DYNC2I1: variants seen among roughly 807,000 people sequenced by gnomAD.
The protein encoded by DYNC2I1 is dynein 2 intermediate chain 1, also known as cytoplasmic dynein 2 intermediate chain 1.
DYNC2I1 carries 89 observed loss-of-function variants against 133.4 expected under a neutral mutation model. The observed-to-expected ratio is 0.67, with a 90% confidence interval of 0.56 to 0.80. The LOEUF is 0.80. DYNC2I1 is among the 30% of genes least tolerant of loss of function. DYNC2I1 has a pLI of 0.00. For synonymous variants in DYNC2I1, 504 were observed against 484.3 expected (o/e 1.04, Z -0.54); for missense variants, 1,291 against 1,314.5 (o/e 0.98, Z 0.28).
Position 158,878,436 on chromosome 7 carries a change from G to A in DYNC2I1, c.574-1248G>A, listed in dbSNP as rs374069647. ...CAGGAGGGCCGACTGTGAGTGCCGG[G>A]CGCCATGTGGGGTGGCCAGGAGGGC... On this transcript the variant is annotated intron_variant, in intron 4 of 24. Coordinates refer to ENST00000407559, the MANE Select transcript of DYNC2I1 (RefSeq NM_018051.5). Among the ~76,000 whole-genome samples, 12 of 136,008 alleles carry A rather than the reference G, an allele frequency of 8.8e-5. No individual in the cohort carries two copies. The East Asian group carries it at 2.7e-3, about 30-fold the overall frequency. The allele number at this position is 136,008 out of a possible 152,430, so 89.2% of individuals were successfully genotyped here. A position where few individuals can be genotyped will look rare whatever the true frequency, so the allele number is the denominator to read the frequency against.
chr7:158,840,092 G>A, the DYNC2I1 span, among the ~76,000 whole-genome samples: 1 of 152,132 alleles, frequency 6.6e-6, no homozygotes, highest in Non-Finnish European at 1.5e-5. Flanking sequence ...TGGGGTTACA[G>A]GTGTGAGCCA....
chr7:158,948,321 G>A (rs1851952443), downstream of DYNC2I1, among the ~76,000 whole-genome samples: 1 of 152,214 alleles, frequency 6.6e-6, no homozygotes, highest in African/African-American at 2.4e-5. Flanking sequence ...CTGCACGCAG[G>A]CTGAGCGCTT....
intron 24 of DYNC2I1, among the ~76,000 whole-genome samples, chr7:158,944,556 G>GTAGT (rs1851690835): frequency 1.3e-5 from 2 of 152,318 alleles, no homozygotes; most frequent in Admixed American, 1.3e-4. Context: ...CGAGTGGCTT[G>GTAGT]TAGTTCCTCA....
At chr7:158,919,600 C>T (rs1020749029) in intron 15 of DYNC2I1, among the ~76,000 whole-genome samples, 1 of 152,192 alleles carries the variant, frequency 6.6e-6, no homozygotes, top group Non-Finnish European at 1.5e-5. Context: ...GCAGGGTAAA[C>T]GTGCTTCGGG....
chr7:158,909,703 A>C (rs1847194952), intron 11 of DYNC2I1, among the ~76,000 whole-genome samples: 1 of 152,212 alleles, frequency 6.6e-6, no homozygotes, highest in South Asian at 2.1e-4. Context: ...TCCTGGAAAG[A>C]AGGGAAACAT....
chr7:158,840,775 C>G, the DYNC2I1 span, among the ~76,000 whole-genome samples: 1 of 152,264 alleles, frequency 6.6e-6, no homozygotes, highest in Admixed American at 6.5e-5. Flanking sequence ...ACTAGTGGGC[C>G]TCTCGGCCTG....
At chr7:158,849,401 G>A in the DYNC2I1 span, among the ~76,000 whole-genome samples, 5 of 152,210 alleles carry the variant, frequency 3.3e-5, no homozygotes, top group Non-Finnish European at 5.9e-5. Context: ...TGTGTTACAG[G>A]ATCTTTGGGG....
chr7:158,897,217 C>A (rs1845839680), intron 8 of DYNC2I1, among the ~76,000 whole-genome samples: 1 of 151,742 alleles, frequency 6.6e-6, no homozygotes, highest in African/African-American at 2.4e-5. Flanking sequence ...CTCTTGACCT[C>A]AGGTAATTCA....
Position 158,945,454 on chromosome 7 carries a change from A to C in DYNC2I1, c.3003-127A>C, listed in dbSNP as rs1338247355. 2 of 1,047,200 alleles carry C rather than the reference A, an allele frequency of 1.9e-6. No homozygotes were observed. The highest frequency in any genetic ancestry group is 3.2e-5 in the African/African-American group (2 of 61,760). 64.9% of individuals were successfully genotyped at this position (1,047,200 alleles called of 1,614,324 possible). Reference sequence around the variant, plus strand: ...TTCTGGTCTAGCTTTCATTTTGGCTATTGGTATTTTTAGAATTTCTCATCC... The same window carrying C: ...TTCTGGTCTAGCTTTCATTTTGGCTCTTGGTATTTTTAGAATTTCTCATCC... On this transcript the variant is annotated intron_variant, in intron 24 of 24. Coordinates refer to ENST00000407559, the MANE Select transcript of DYNC2I1 (RefSeq NM_018051.5). The surrounding 1 kb of genome is among the most constrained non-coding windows in gnomAD (Gnocchi z 4.1).
At chr7:158,922,293 T>A in intron 15 of DYNC2I1, 84 bp from the exon 16 acceptor site, 1 of 1,396,086 alleles carries the variant, frequency 7.2e-7, no homozygotes, top group Non-Finnish European at 9.8e-7. Flanking sequence ...AGCTGAATTT[T>A]TTTTTGAGTA....
intron 14 of DYNC2I1, among the ~76,000 whole-genome samples, chr7:158,914,698 A>AT (rs1847830874): frequency 6.6e-6 from 1 of 152,184 alleles, no homozygotes; most frequent in African/African-American, 2.4e-5. Context: ...AAACTGAAAA[A>AT]TTTTAAAAAT....
At chr7:158,922,236 G>GT in intron 15 of DYNC2I1, 141 bp from the exon 16 acceptor site, 1 of 755,364 alleles carries the variant, frequency 1.3e-6, no homozygotes, top group Non-Finnish European at 2.2e-6. Flanking sequence ...CAAAACCTAC[G>GT]TTTCATGTAT....
chr7:158,911,423 C>A, intron 11 of DYNC2I1, 127 bp from the exon 12 acceptor site: 1 of 1,030,460 alleles, frequency 9.7e-7, no homozygotes, highest in Non-Finnish European at 1.4e-6. Context: ...CTCAGACTCA[C>A]CCCAGCCTGA....
At chr7:158,894,330 T>A (rs1845570411) in intron 8 of DYNC2I1, among the ~76,000 whole-genome samples, 1 of 152,078 alleles carries the variant, frequency 6.6e-6, no homozygotes, top group Admixed American at 6.5e-5. Flanking sequence ...AAAAACAAAA[T>A]CCAAAGTAGT....
rs542277397 is a variant in DYNC2I1 at position 158,889,821 on chromosome 7, T to C, written c.991-1444T>C. Among the ~76,000 whole-genome samples the C allele has an allele frequency of 2.0e-4, 30 of 151,750 alleles. No individual in the cohort carries two copies. In the South Asian group the frequency reaches 6.1e-3, roughly 31 times the overall value. ...GAGTTTGAGATCAGCCTGACCAACA[T>C]GGTGAAACTCCCGTCTCTACTCAAA... On this transcript the variant is annotated intron_variant, in intron 7 of 24. Coordinates refer to ENST00000407559, the MANE Select transcript of DYNC2I1 (RefSeq NM_018051.5).
intron 2 of DYNC2I1, 134 bp from the exon 3 acceptor site, chr7:158,871,006 CTG>C: frequency 9.9e-7 from 1 of 1,010,444 alleles, no homozygotes; most frequent in Non-Finnish European, 1.4e-6. Context: ...GGATTGGAAA[CTG>C]GGATTGGAAA....
Position 158,915,914 on chromosome 7 carries a change from G to A in DYNC2I1, c.1791+1593G>A, listed in dbSNP as rs1414942356. On this transcript the variant is annotated intron_variant, in intron 14 of 24. Transcript: ENST00000407559. ...AGATTAAGGATGATTGTGAAACGTC[G>A]ACACGCTGGTTGACATTAAGGATGA... Among the ~76,000 whole-genome samples, 7 of 138,050 alleles carry A rather than the reference G, an allele frequency of 5.1e-5. No individual in the cohort carries two copies. In the South Asian group the frequency reaches 6.8e-4, roughly 13 times the overall value. The allele number at this position is 138,050 out of a possible 152,430, so 90.6% of individuals were successfully genotyped here.
In DYNC2I1 at chr7:158,876,679, C is replaced by G; in HGVS notation, c.561C>G (p.Tyr187Ter). The G allele has an allele frequency of 1.3e-6, 2 of 1,569,334 alleles. No individual in the cohort carries two copies. The highest frequency in any genetic ancestry group is 1.7e-6 in the Non-Finnish European group (2 of 1,165,066). Residue 187 changes from tyrosine (Y) to a stop codon, truncating the protein, a stop_gained, in exon 4 of 25, where the codon TAC (tyrosine) becomes TAG (stop). Transcript: ENST00000407559. LOFTEE classifies it high-confidence loss of function. Reference sequence around the variant, plus strand: ...GAGATGAAGATAGAGAAAGAAGATACCGAGAAAGAAAGGTATACGAAGCAA... The same window carrying G: ...GAGATGAAGATAGAGAAAGAAGATAGCGAGAAAGAAAGGTATACGAAGCAA... ...ERGDEDRERR[Y>*]RERKLQYGDS...
At chr7:158,916,400 ACGT>A (rs1414842550) in intron 14 of DYNC2I1, among the ~76,000 whole-genome samples, 182 of 81,824 alleles carry the variant, frequency 2.2e-3, no homozygotes, top group Non-Finnish European at 3.7e-3. Flanking sequence ...TGATTGTGAA[ACGT>A]CGACACGCTG....
Sources: gnomAD v4.1 joint callset for allele counts (sites outside exome capture counted in the v4.1 genomes callset) on GRCh38, gnomAD v4.1.1 for gene constraint, Gnocchi (gnomAD v3.1) non-coding constraint, MANE v1.5 for transcripts, NCBI Gene and HGNC (gene_info 2026-07-23, HGNC 2026-07-21) for gene names.